Variants in TRPM3 observed in about 807,000 individuals in gnomAD.
TRPM3 encodes transient receptor potential cation channel subfamily M member 3.
TRPM3 carries 77 observed loss-of-function variants against 181.2 expected under a neutral mutation model. The observed-to-expected ratio is 0.42, with a 90% confidence interval of 0.35 to 0.51. TRPM3 has a LOEUF of 0.51. Ranked by LOEUF, TRPM3 falls within the 20% of genes least tolerant of loss-of-function variation. The pLI, the probability that TRPM3 is intolerant of heterozygous loss-of-function variation, is 0.01. For missense variants in TRPM3, 1,759 were observed against 2,196.7 expected (o/e 0.80, Z 3.98); for synonymous variants, 745 against 796.4 (o/e 0.94, Z 1.09).
chr9:70,654,717 C>T (rs1374282022), intron 9 of TRPM3, among the ~76,000 whole-genome samples: 1 of 149,832 alleles, frequency 6.7e-6, no homozygotes, highest in Non-Finnish European at 1.5e-5. Context: ...GAGTCTCGCT[C>T]TGTCACCCAG....
At chr9:71,152,404 T>G (rs972258403) in intron 1 of TRPM3, among the ~76,000 whole-genome samples, 2 of 152,128 alleles carry the variant, frequency 1.3e-5, no homozygotes, top group African/African-American at 4.8e-5. Context: ...TAAATCACCA[T>G]GATTAAAAGG....
intron 1 of TRPM3, among the ~76,000 whole-genome samples, chr9:71,178,524 T>C (rs1005995165): frequency 6.6e-6 from 1 of 152,162 alleles, no homozygotes; most frequent in African/African-American, 2.4e-5. Context: ...CAAAGATGTT[T>C]AAGAGTTAAA....
intron 6 of TRPM3, among the ~76,000 whole-genome samples, chr9:70,795,831 C>T (rs1034537): frequency 0.97 from 147,142 of 152,336 alleles, 71,255 homozygotes; most frequent in Middle Eastern, 1. Context: ...TGAAATATTC[C>T]GCTATTAATG....
At chr9:70,804,702 T>C (rs62545983) in intron 6 of TRPM3, among the ~76,000 whole-genome samples, 5,163 of 105,344 alleles carry the variant, frequency 0.049, 113 homozygotes, top group Middle Eastern at 0.093. Flanking sequence ...CCCCTCCCCT[T>C]CCCTTCCCTT....
At chr9:70,681,656 G>A (rs1210363032) in intron 8 of TRPM3, 78 bp from the exon 9 acceptor site, 4 of 1,175,328 alleles carry the variant, frequency 3.4e-6, no homozygotes, top group Non-Finnish European at 5.1e-6. Flanking sequence ...CCACATCTGA[G>A]CAGAGACTAT....
At chr9:70,997,846 C>T (rs2097555831) in intron 1 of TRPM3, among the ~76,000 whole-genome samples, 2 of 152,086 alleles carry the variant, frequency 1.3e-5, no homozygotes, top group Admixed American at 1.3e-4. Flanking sequence ...CCTTCCTGAT[C>T]TTCTTGTGTG....
At chr9:71,130,425 G>A (rs182809876) in intron 1 of TRPM3, among the ~76,000 whole-genome samples, 1 of 152,242 alleles carries the variant, frequency 6.6e-6, no homozygotes, top group Admixed American at 6.5e-5. Flanking sequence ...GCCTGTTATA[G>A]TAAGTACAGA....
intron 1 of TRPM3, among the ~76,000 whole-genome samples, chr9:71,317,874 A>C (rs1436106640): frequency 6.6e-6 from 1 of 152,170 alleles, no homozygotes; most frequent in Non-Finnish European, 1.5e-5. Context: ...GGCTAGGACC[A>C]AATTTTTGAA....
intron 1 of TRPM3, among the ~76,000 whole-genome samples, chr9:71,182,496 A>G (rs1353449130): frequency 6.6e-6 from 1 of 152,134 alleles, no homozygotes; most frequent in Non-Finnish European, 1.5e-5. Context: ...GGTAAATATC[A>G]AAGAAGAAAA....
intron 22 of TRPM3, among the ~76,000 whole-genome samples, chr9:70,564,159 C>CTCA (rs577700206): frequency 1.5e-4 from 23 of 152,208 alleles, no homozygotes; most frequent in African/African-American, 4.1e-4. Flanking sequence ...CAGGGCTTGC[C>CTCA]TCATCATCAT....
chr9:71,002,678 T>C (rs1385731667), intron 1 of TRPM3, among the ~76,000 whole-genome samples: 1 of 152,194 alleles, frequency 6.6e-6, no homozygotes, highest in African/African-American at 2.4e-5. Flanking sequence ...TTAACATTAT[T>C]GAAATCGAAA....
chr9:71,258,434 C>T (rs2082815414), intron 1 of TRPM3, among the ~76,000 whole-genome samples: 1 of 152,150 alleles, frequency 6.6e-6, no homozygotes, highest in Admixed American at 6.5e-5. Flanking sequence ...ACAGGGAGTA[C>T]AACCTATCTA....
intron 6 of TRPM3, among the ~76,000 whole-genome samples, chr9:70,810,982 G>A (rs563449242): frequency 6.6e-6 from 1 of 152,200 alleles, no homozygotes; most frequent in African/African-American, 2.4e-5. Context: ...GTCCTATATG[G>A]TATCTTTAGG....
intron 9 of TRPM3, among the ~76,000 whole-genome samples, chr9:70,663,677 G>A (rs2133960159): frequency 6.6e-6 from 1 of 152,232 alleles, no homozygotes. Context: ...TTAAGTTAAT[G>A]ATTTGTACAC....
chr9:70,927,928 T>G (rs959578829), intron 1 of TRPM3, among the ~76,000 whole-genome samples: 1 of 152,208 alleles, frequency 6.6e-6, no homozygotes, highest in Non-Finnish European at 1.5e-5. Context: ...CAATCTTTAT[T>G]TTTTATTAAA....
intron 1 of TRPM3, among the ~76,000 whole-genome samples, chr9:71,280,296 A>C (rs2084603324): frequency 1.3e-5 from 2 of 152,084 alleles, no homozygotes; most frequent in Non-Finnish European, 2.9e-5. Flanking sequence ...TTGTAGGCAA[A>C]TTTCATTAGG....
intron 1 of TRPM3, among the ~76,000 whole-genome samples, chr9:70,942,851 C>A (rs1332738629): frequency 6.6e-6 from 1 of 152,048 alleles, no homozygotes; most frequent in Non-Finnish European, 1.5e-5. Flanking sequence ...GAGGACAAGG[C>A]CTGGGACATT....
chr9:70,625,157 C>T lies in TRPM3; in HGVS notation c.1809+34G>A. 6.2e-7 allele frequency: 1 copy of T among 1,612,688 alleles called. No individual in the cohort carries two copies. Among genetic ancestry groups the T allele is most frequent in the Middle Eastern group, 1.7e-4 (1 of 6,012 alleles). ...CCAAATCCCATACACCCTAGTCCTCCCAGGAAGGGCCCCGAATTTGCAGCC... is the reference window on the plus strand; with the variant it reads ...CCAAATCCCATACACCCTAGTCCTCTCAGGAAGGGCCCCGAATTTGCAGCC... On this transcript the variant is annotated intron_variant, in intron 14 of 25. Transcript: ENST00000677713. The surrounding 1 kb of genome is among the most constrained non-coding windows in gnomAD (Gnocchi z 4.8).
intron 8 of TRPM3, among the ~76,000 whole-genome samples, chr9:70,688,901 C>G (rs560805851): frequency 6.8e-4 from 103 of 152,304 alleles, no homozygotes; most frequent in African/African-American, 2.4e-3. Context: ...GCACACATCT[C>G]TCTGCACTGA....
Sources: gnomAD v4.1 joint callset for allele counts (sites outside exome capture counted in the v4.1 genomes callset) on GRCh38, gnomAD v4.1.1 for gene constraint, Gnocchi (gnomAD v3.1) non-coding constraint, MANE v1.5 for transcripts, NCBI Gene and HGNC (gene_info 2026-07-23, HGNC 2026-07-21) for gene names.